The following CTNNA3 variants were observed in gnomAD, a reference collection of about 807,000 sequenced individuals.
CTNNA3 encodes the protein catenin alpha 3, also known as catenin alpha-3.
A neutral mutation model predicts 95.7 loss-of-function variants in CTNNA3; 76 were observed. The ratio of observed to expected loss-of-function variants is 0.79; its 90% confidence interval spans 0.66 to 0.96. CTNNA3 has a LOEUF of 0.96. Ranked by LOEUF, CTNNA3 falls within the 40% of genes least tolerant of loss-of-function variation. CTNNA3 has a pLI of 0.00. For missense variants in CTNNA3, 1,191 were observed against 1,089.8 expected (o/e 1.09, Z -1.31); for synonymous variants, 431 against 374.4 (o/e 1.15, Z -1.74).
intron 11 of CTNNA3, among the ~76,000 whole-genome samples, chr10:66,431,740 C>T (rs2093298079): frequency 8.3e-6 from 1 of 120,696 alleles, no homozygotes; most frequent in Non-Finnish European, 1.6e-5. Context: ...CACACTAGGG[C>T]CTGTTGTGGG....
chr10:67,046,603 C>T (rs1053621724), intron 7 of CTNNA3, among the ~76,000 whole-genome samples: 1 of 151,942 alleles, frequency 6.6e-6, no homozygotes, highest in South Asian at 2.1e-4. Context: ...ATGATCTTCA[C>T]CACCGTAATA....
At chr10:67,147,082 T>C (rs542428478) in intron 7 of CTNNA3, among the ~76,000 whole-genome samples, 29 of 152,312 alleles carry the variant, frequency 1.9e-4, no homozygotes, top group African/African-American at 6.5e-4. Context: ...ACATCCCCAC[T>C]GTTAAGCAAC....
intron 5 of CTNNA3, among the ~76,000 whole-genome samples, chr10:67,486,687 G>A (rs1457620823): frequency 6.6e-6 from 1 of 152,058 alleles, no homozygotes; most frequent in Non-Finnish European, 1.5e-5. Flanking sequence ...CCAAATAACT[G>A]CTAGCTGCAC....
chr10:66,967,870 T>G (rs1253028579), intron 7 of CTNNA3, among the ~76,000 whole-genome samples: 1 of 152,112 alleles, frequency 6.6e-6, no homozygotes, highest in Non-Finnish European at 1.5e-5. Flanking sequence ...TAATAGGTTC[T>G]TAGAAGGGAG....
At chr10:66,279,917 C>A (rs532160065) in intron 13 of CTNNA3, among the ~76,000 whole-genome samples, 17 of 152,092 alleles carry the variant, frequency 1.1e-4, no homozygotes, top group South Asian at 2.1e-4. Flanking sequence ...ACAAATTGTG[C>A]TCTCACGCCT....
chr10:66,936,815 CA>C (rs1847727213), intron 7 of CTNNA3, among the ~76,000 whole-genome samples: 1 of 152,144 alleles, frequency 6.6e-6, no homozygotes, highest in African/African-American at 2.4e-5. Context: ...TATCTGCTCC[CA>C]GAGTGAGAGC....
At position 66,005,607 on chromosome 10, in the gene CTNNA3, T is replaced by A. The variant is rs1035068062; in HGVS notation, c.2160-16810A>T. 3.3e-5 allele frequency among the ~76,000 whole-genome samples: 5 copies of A among 152,080 alleles called. No individual in the cohort carries two copies. The South Asian group carries it at 1.0e-3, about 31-fold the overall frequency. On this transcript the variant is annotated intron_variant, in intron 15 of 17. Transcript: ENST00000433211. The stretch of plus-strand genomic sequence containing the variant: ...AGACACTTTATGTGTCTGGTGCTAC[T>A]CTCCTTCCCCGATACACTACATATT...
At chr10:67,043,749 T>C (rs2133156208) in intron 7 of CTNNA3, among the ~76,000 whole-genome samples, 1 of 152,304 alleles carries the variant, frequency 6.6e-6, no homozygotes, top group Non-Finnish European at 1.5e-5. Flanking sequence ...GTATTTGTGC[T>C]TTGTTCTTTG....
At chr10:67,651,775 T>C (rs2133494314) in intron 1 of CTNNA3, among the ~76,000 whole-genome samples, 1 of 152,276 alleles carries the variant, frequency 6.6e-6, no homozygotes, top group Admixed American at 6.5e-5. Flanking sequence ...AAAAAATATA[T>C]ATTTATAGTT....
chr10:67,067,334 T>C (rs889646677), intron 7 of CTNNA3, among the ~76,000 whole-genome samples: 1 of 152,186 alleles, frequency 6.6e-6, no homozygotes, highest in Admixed American at 6.5e-5. Context: ...TATTGAGCAA[T>C]AAACCATATA....
intron 12 of CTNNA3, among the ~76,000 whole-genome samples, chr10:66,354,160 T>A (rs1198079925): frequency 2.6e-5 from 4 of 151,958 alleles, no homozygotes; most frequent in African/African-American, 9.7e-5. Flanking sequence ...GGCGGGCGCC[T>A]GTAATCCCAG....
intron 7 of CTNNA3, among the ~76,000 whole-genome samples, chr10:67,079,295 C>A (rs1856912054): frequency 1.3e-5 from 2 of 152,190 alleles, no homozygotes; most frequent in South Asian, 4.1e-4. Context: ...TAAATACAGA[C>A]ATCATGGCCA....
At chr10:67,346,431 C>T (rs1842415252) in intron 5 of CTNNA3, among the ~76,000 whole-genome samples, 4 of 152,078 alleles carry the variant, frequency 2.6e-5, no homozygotes, top group Admixed American at 2.6e-4. Context: ...TGGTGAAATC[C>T]CTCAGCTTTT....
chr10:66,283,008 C>T (rs919961064), intron 12 of CTNNA3, among the ~76,000 whole-genome samples: 15 of 151,760 alleles, frequency 9.9e-5, no homozygotes, highest in African/African-American at 3.6e-4. Context: ...AACTGAAAAG[C>T]TCCAAAAATA....
chr10:66,959,776 C>G (rs1849017216), intron 7 of CTNNA3, among the ~76,000 whole-genome samples: 1 of 152,144 alleles, frequency 6.6e-6, no homozygotes. Flanking sequence ...TTAATTTTCT[C>G]TCTATCCGAC....
intron 11 of CTNNA3, among the ~76,000 whole-genome samples, chr10:66,516,646 A>C (rs899038510): frequency 4.6e-5 from 7 of 152,182 alleles, no homozygotes; most frequent in Non-Finnish European, 8.8e-5. Flanking sequence ...GCTTCTAGTC[A>C]GTTGTTAATC....
chr10:66,894,301 C>T (rs946587972), intron 7 of CTNNA3, among the ~76,000 whole-genome samples: 17 of 151,986 alleles, frequency 1.1e-4, no homozygotes, highest in African/African-American at 3.9e-4. Flanking sequence ...ATACCGGAAA[C>T]CATATTCTAT....
At chr10:67,006,458 C>A (rs1416173221) in intron 7 of CTNNA3, among the ~76,000 whole-genome samples, 1 of 152,034 alleles carries the variant, frequency 6.6e-6, no homozygotes, top group Non-Finnish European at 1.5e-5. Context: ...GTAATTTTAT[C>A]TTCATTTGCT....
intron 2 of CTNNA3, among the ~76,000 whole-genome samples, chr10:67,632,800 C>G (rs1376402191): frequency 1.3e-5 from 2 of 152,128 alleles, no homozygotes; most frequent in African/African-American, 4.8e-5. Context: ...GTTTTCCACA[C>G]TCCAGCCCCA....
Sources: gnomAD v4.1 joint callset for allele counts (sites outside exome capture counted in the v4.1 genomes callset) on GRCh38, gnomAD v4.1.1 for gene constraint, MANE v1.5 for transcripts, NCBI Gene and HGNC (gene_info 2026-07-23, HGNC 2026-07-21) for gene names.